Variants in PLCXD3 observed in about 807,000 individuals in gnomAD.
PLCXD3 encodes the protein phosphatidylinositol specific phospholipase C X domain containing 3, also known as PI-PLC X domain-containing protein 3.
A neutral mutation model predicts 25.5 loss-of-function variants in PLCXD3; 19 were observed. That is an observed-to-expected ratio of 0.75 (90% CI 0.52 to 1.09). The LOEUF (loss-of-function observed/expected upper bound fraction) is 1.09, where lower values mean the gene tolerates loss of function less well. PLCXD3 is among the 50% of genes least tolerant of loss of function. PLCXD3 has a pLI of 0.00. For synonymous variants in PLCXD3, 174 were observed against 137.6 expected (o/e 1.26, Z -1.85); for missense variants, 411 against 388.1 (o/e 1.06, Z -0.50).
chr5:41,360,407 A>G (rs996014865), intron 2 of PLCXD3, among the ~76,000 whole-genome samples: 2 of 151,938 alleles, frequency 1.3e-5, no homozygotes, highest in Admixed American at 1.3e-4. Flanking sequence ...AGCTGGTGTG[A>G]TCTTTTGGAG....
chr5:41,444,575 T>C (rs1747454268), intron 1 of PLCXD3, among the ~76,000 whole-genome samples: 1 of 152,194 alleles, frequency 6.6e-6, no homozygotes, highest in South Asian at 2.1e-4. Context: ...ATTCAGGTCC[T>C]GTAATGCCAG....
intron 1 of PLCXD3, among the ~76,000 whole-genome samples, chr5:41,389,496 AG>A (rs1471609777): frequency 1.3e-5 from 2 of 152,186 alleles, no homozygotes; most frequent in African/African-American, 4.8e-5. Context: ...TTGCAACAGA[AG>A]TCAAATATCC....
chr5:41,442,340 A>G (rs1747403863), intron 1 of PLCXD3, among the ~76,000 whole-genome samples: 1 of 152,230 alleles, frequency 6.6e-6, no homozygotes. Flanking sequence ...TTTCAGTGCC[A>G]AAGAAGTTCA....
intron 2 of PLCXD3, among the ~76,000 whole-genome samples, chr5:41,333,036 T>C (rs1743874707): frequency 6.6e-6 from 1 of 152,128 alleles, no homozygotes; most frequent in Non-Finnish European, 1.5e-5. Context: ...ATGGCACATG[T>C]ATACATTTGT....
At chr5:41,509,916 C>G (rs1561294594) in intron 1 of PLCXD3, among the ~76,000 whole-genome samples, 3 of 152,304 alleles carry the variant, frequency 2.0e-5, no homozygotes, top group Non-Finnish European at 4.4e-5. Context: ...AGCGCTTTGT[C>G]TTTTTAAAGG....
intron 1 of PLCXD3, among the ~76,000 whole-genome samples, chr5:41,416,231 T>A (rs189731531): frequency 1.3e-5 from 2 of 152,270 alleles, no homozygotes; most frequent in African/African-American, 4.8e-5. Context: ...AAGGGCAAGA[T>A]GAAGGAGGGT....
At chr5:41,482,007 T>A (rs892281902) in intron 1 of PLCXD3, among the ~76,000 whole-genome samples, 3 of 152,218 alleles carry the variant, frequency 2.0e-5, no homozygotes, top group Non-Finnish European at 4.4e-5. Context: ...TGATGGGCTA[T>A]CAGTTATTAT....
intron 1 of PLCXD3, among the ~76,000 whole-genome samples, chr5:41,478,864 C>G (rs1323482729): frequency 1.3e-5 from 2 of 152,130 alleles, no homozygotes; most frequent in African/African-American, 4.8e-5. Flanking sequence ...GAAGCAAGCA[C>G]CTTCTTCACA....
intron 1 of PLCXD3, among the ~76,000 whole-genome samples, chr5:41,401,476 T>C (rs554255946): frequency 6.6e-6 from 1 of 152,172 alleles, no homozygotes; most frequent in East Asian, 1.9e-4. Flanking sequence ...TAAATTACCT[T>C]GGCATATTTG....
intron 2 of PLCXD3, among the ~76,000 whole-genome samples, chr5:41,336,839 G>T (rs531355719): frequency 6.6e-6 from 1 of 152,238 alleles, no homozygotes; most frequent in African/African-American, 2.4e-5. Context: ...CCTCTACATA[G>T]TTCTGTTTCC....
chr5:41,350,960 T>G (rs16871258), intron 2 of PLCXD3, among the ~76,000 whole-genome samples: 11,190 of 152,166 alleles, frequency 0.074, 737 homozygotes, highest in East Asian at 0.35. Flanking sequence ...AAAAAAGATT[T>G]CTGGTCTTAT....
At chr5:41,429,747 T>C (rs543075996) in intron 1 of PLCXD3, among the ~76,000 whole-genome samples, 48 of 152,192 alleles carry the variant, frequency 3.2e-4, no homozygotes, top group African/African-American at 1.1e-3. Context: ...GAAAAAGGAA[T>C]GACGAAGGTA....
chr5:41,344,605 C>T (rs757806733), intron 2 of PLCXD3, among the ~76,000 whole-genome samples: 44 of 151,978 alleles, frequency 2.9e-4, no homozygotes, highest in Non-Finnish European at 5.3e-4. Context: ...TATAAAAATG[C>T]GGCTGATATC....
intron 1 of PLCXD3, among the ~76,000 whole-genome samples, chr5:41,422,373 CT>C (rs902772475): frequency 2.6e-5 from 4 of 152,168 alleles, no homozygotes; most frequent in Admixed American, 6.5e-5. Context: ...TTACCTTTGA[CT>C]TTTACAAGGC....
chr5:41,357,079 T>C (rs16871274), intron 2 of PLCXD3, among the ~76,000 whole-genome samples: 5,560 of 152,318 alleles, frequency 0.037, 343 homozygotes, highest in African/African-American at 0.13. Flanking sequence ...GATGGGCATA[T>C]GCTTACTTGC....
At chr5:41,389,923 A>G (rs1173873257) in intron 1 of PLCXD3, among the ~76,000 whole-genome samples, 1 of 152,162 alleles carries the variant, frequency 6.6e-6, no homozygotes, top group African/African-American at 2.4e-5. Flanking sequence ...AAATGTATGC[A>G]TCCAAGCAAT....
chr5:41,341,905 T>A (rs1472752329), intron 2 of PLCXD3, among the ~76,000 whole-genome samples: 1 of 152,178 alleles, frequency 6.6e-6, no homozygotes, highest in African/African-American at 2.4e-5. Context: ...AGCACATTCT[T>A]AGCCATGCTT....
At chr5:41,428,025 C>T (rs1747002600) in intron 1 of PLCXD3, among the ~76,000 whole-genome samples, 1 of 152,160 alleles carries the variant, frequency 6.6e-6, no homozygotes, top group Non-Finnish European at 1.5e-5. Flanking sequence ...ATCTCAGTTC[C>T]CATTTCCCAC....
intron 1 of PLCXD3, among the ~76,000 whole-genome samples, chr5:41,460,859 AT>A (rs576624906): frequency 3.3e-5 from 5 of 151,742 alleles, no homozygotes; most frequent in South Asian, 2.1e-4. Flanking sequence ...GGAATTGTGA[AT>A]TTTTTTTCTT....
Sources: gnomAD v4.1 joint callset for allele counts (sites outside exome capture counted in the v4.1 genomes callset) on GRCh38, gnomAD v4.1.1 for gene constraint, MANE v1.5 for transcripts, NCBI Gene and HGNC (gene_info 2026-07-23, HGNC 2026-07-21) for gene names.